Variants in TBC1D19 observed in about 807,000 individuals in gnomAD.
The protein encoded by TBC1D19 is TBC1 domain family, member 19.
Under a neutral mutation model 89.0 loss-of-function variants are expected in TBC1D19, and 60 were observed. The observed-to-expected ratio is 0.67, with a 90% confidence interval of 0.55 to 0.84. The LOEUF is 0.84. Among genes scored for constraint, TBC1D19 ranks in the 40% least tolerant of loss-of-function variants. The probability of loss-of-function intolerance (pLI) is 0.00; values close to 1 mark genes in which losing one functional copy is unlikely to be tolerated. For missense variants in TBC1D19, 500 were observed against 610.8 expected, an observed-to-expected ratio of 0.82 and a Z score of 1.91; for synonymous variants, 189 against 199.7, an observed-to-expected ratio of 0.95 and a Z score of 0.45.
chr4:26,651,228 G>GAA (rs1744352056), intron 7 of TBC1D19, among the ~76,000 whole-genome samples: 1 of 152,052 alleles, frequency 6.6e-6, no homozygotes, highest in Admixed American at 6.6e-5. Context: ...CAAACTTTAT[G>GAA]GTAGTATTTT....
chr4:26,749,431 A>G (rs184576959), intron 19 of TBC1D19, among the ~76,000 whole-genome samples: 15 of 146,188 alleles, frequency 1.0e-4, no homozygotes, highest in Non-Finnish European at 2.1e-4. Flanking sequence ...TAGGTATCAT[A>G]TTAACATATT....
intron 12 of TBC1D19, 127 bp from the exon 13 acceptor site, chr4:26,688,214 TTTAA>T (rs1713985103): frequency 7.9e-7 from 1 of 1,268,850 alleles, no homozygotes; most frequent in African/African-American, 1.6e-5. Flanking sequence ...AATGATAAAA[TTTAA>T]TTGAGAAGTT....
intron 7 of TBC1D19, among the ~76,000 whole-genome samples, chr4:26,646,032 A>T (rs1201386966): frequency 6.7e-6 from 1 of 149,822 alleles, no homozygotes; most frequent in Non-Finnish European, 1.5e-5. Context: ...CTGAGGCAGG[A>T]GAATGGCGTG....
At chr4:26,631,060 C>G (rs936581825) in intron 4 of TBC1D19, among the ~76,000 whole-genome samples, 6 of 152,024 alleles carry the variant, frequency 3.9e-5, no homozygotes, top group Admixed American at 1.3e-4. Context: ...ACTTCACTTA[C>G]CATCTGACTG....
At chr4:26,597,195 T>C (rs1227320725) in intron 1 of TBC1D19, among the ~76,000 whole-genome samples, 1 of 152,236 alleles carries the variant, frequency 6.6e-6, no homozygotes, top group Non-Finnish European at 1.5e-5. Flanking sequence ...TGTATTAGTC[T>C]ATTTCTCTTT....
At chr4:26,650,028 C>T (rs1316191878) in intron 7 of TBC1D19, among the ~76,000 whole-genome samples, 3 of 152,302 alleles carry the variant, frequency 2.0e-5, no homozygotes, top group South Asian at 4.1e-4. Flanking sequence ...CGCATCCCTA[C>T]AAAGGACATG....
intron 1 of TBC1D19, among the ~76,000 whole-genome samples, chr4:26,599,695 T>A (rs535431494): frequency 6.6e-6 from 1 of 152,154 alleles, no homozygotes; most frequent in Non-Finnish European, 1.5e-5. Context: ...CCTGTAATCC[T>A]AGCACTTTGG....
At chr4:26,739,605 A>G (rs1718231925) in intron 16 of TBC1D19, among the ~76,000 whole-genome samples, 1 of 152,146 alleles carries the variant, frequency 6.6e-6, no homozygotes, top group Non-Finnish European at 1.5e-5. Flanking sequence ...ATAATTCCAT[A>G]ATATCATTCT....
At chr4:26,746,410 G>A (rs1039921658) in intron 18 of TBC1D19, among the ~76,000 whole-genome samples, 2 of 150,288 alleles carry the variant, frequency 1.3e-5, no homozygotes, top group Admixed American at 6.6e-5. Context: ...GTGTAGATTG[G>A]ACATTTTCTA....
chr4:26,781,924 G>A, the TBC1D19 span, among the ~76,000 whole-genome samples: 2 of 56,790 alleles, frequency 3.5e-5, no homozygotes, highest in Admixed American at 2.4e-4. Flanking sequence ...ATGTTACATT[G>A]ATATCTGCTT....
chr4:26,611,037 A>G (rs113228579), intron 1 of TBC1D19, among the ~76,000 whole-genome samples: 24 of 152,110 alleles, frequency 1.6e-4, no homozygotes, highest in Admixed American at 4.6e-4. Context: ...GCTTTCCCCA[A>G]TGGCTGAACT....
At chr4:26,659,529 C>T in intron 7 of TBC1D19, 68 bp from the exon 8 acceptor site, 1 of 976,596 alleles carries the variant, frequency 1.0e-6, no homozygotes, top group Non-Finnish European at 1.6e-6. Context: ...AAGAATATCC[C>T]TGCTAATTTT....
the TBC1D19 span, among the ~76,000 whole-genome samples, chr4:26,803,356 A>T: frequency 1.3e-5 from 2 of 152,202 alleles, no homozygotes; most frequent in Admixed American, 1.3e-4. Context: ...GGGCCCCACA[A>T]CAAGGCAATT....
At chr4:26,580,127 C>A (rs1014207634), upstream of TBC1D19, among the ~76,000 whole-genome samples, 14 of 152,220 alleles carry the variant, frequency 9.2e-5, no homozygotes, top group Non-Finnish European at 2.1e-4. Flanking sequence ...GCCCAGTCCT[C>A]CCCATTCACA....
intron 1 of TBC1D19, chr4:26,585,242 C>G (rs1739340995): frequency 2.3e-6 from 1 of 429,326 alleles, no homozygotes; most frequent in South Asian, 1.7e-5. Flanking sequence ...GTGGCTGTAT[C>G]ATTTTCCATT....
chr4:26,585,238 G>C (rs1471316034), intron 1 of TBC1D19: 1 of 433,708 alleles, frequency 2.3e-6, no homozygotes, highest in Non-Finnish European at 4.6e-6. Context: ...CAAAGTGGCT[G>C]TATCATTTTC....
At chr4:26,751,584 T>A (rs2109334267) in intron 19 of TBC1D19, among the ~76,000 whole-genome samples, 1 of 152,326 alleles carries the variant, frequency 6.6e-6, no homozygotes, top group South Asian at 2.1e-4. Context: ...TTGTTGCAGA[T>A]CTCTTGTATC....
the TBC1D19 span, among the ~76,000 whole-genome samples, chr4:26,770,275 T>C: frequency 6.6e-6 from 1 of 152,116 alleles, no homozygotes; most frequent in Non-Finnish European, 1.5e-5. Context: ...AAGATCATGC[T>C]ACCACTAATC....
chr4:26,726,820 G>GAA (rs1412017907), intron 15 of TBC1D19, among the ~76,000 whole-genome samples: 1 of 4,572 alleles, frequency 2.2e-4, no homozygotes, highest in Non-Finnish European at 0.011. Context: ...ATGAGGAAAT[G>GAA]AAGAGAATAT....
Sources: allele counts gnomAD v4.1 joint callset (sites outside exome capture counted in the v4.1 genomes callset), GRCh38; gene constraint gnomAD v4.1.1; transcripts MANE v1.5; gene names NCBI Gene and HGNC (gene_info 2026-07-23, HGNC 2026-07-21).